Variants in TRAK1 observed in about 807,000 individuals in gnomAD.
TRAK1 encodes trafficking kinesin-binding protein 1.
Under a neutral mutation model 92.1 loss-of-function variants are expected in TRAK1, and 33 were observed. The ratio of observed to expected loss-of-function variants is 0.36; its 90% CI spans 0.27 to 0.48. TRAK1 has a LOEUF of 0.48. Ranked by LOEUF, TRAK1 falls within the 20% of genes least tolerant of loss-of-function variation. The probability of loss-of-function intolerance (pLI) is 0.99; values close to 1 mark genes in which losing one functional copy is unlikely to be tolerated. For synonymous variants in TRAK1, 521 were observed against 517.3 expected, an observed-to-expected ratio of 1.01 and a Z score of -0.10; for missense variants, 1,123 against 1,257.9, an observed-to-expected ratio of 0.89 and a Z score of 1.62.
chr3:42,111,273 A>G (rs1708357144), intron 1 of TRAK1, among the ~76,000 whole-genome samples: 1 of 152,204 alleles, frequency 6.6e-6, no homozygotes, highest in Non-Finnish European at 1.5e-5. Flanking sequence ...GGTAGAACCA[A>G]CTTTGGGAGG....
At chr3:42,200,403 A>G (rs561580473) in intron 11 of TRAK1, among the ~76,000 whole-genome samples, 1 of 152,344 alleles carries the variant, frequency 6.6e-6, no homozygotes, top group Admixed American at 6.5e-5. Context: ...TCCATTCTAC[A>G]AGTATTGATT....
At chr3:42,140,156 T>G (rs1042039302) in intron 2 of TRAK1, among the ~76,000 whole-genome samples, 1 of 152,090 alleles carries the variant, frequency 6.6e-6, no homozygotes, top group East Asian at 1.9e-4. Flanking sequence ...TCTCCCTGCT[T>G]TTGGATATGT....
At chr3:42,171,093 G>A (rs1328965519) in intron 2 of TRAK1, among the ~76,000 whole-genome samples, 3 of 152,062 alleles carry the variant, frequency 2.0e-5, no homozygotes, top group African/African-American at 7.2e-5. Flanking sequence ...GGGATTACAG[G>A]CGTGAGCCAC....
At chr3:42,039,432 C>T (rs1261208926) in intron 1 of TRAK1, among the ~76,000 whole-genome samples, 3 of 152,164 alleles carry the variant, frequency 2.0e-5, no homozygotes, top group African/African-American at 7.2e-5. Flanking sequence ...GGCGTGATCT[C>T]AGCTTACTGC....
rs143591096 is a variant in TRAK1 at position 42,223,223 on chromosome 3, C to G, written c.2348C>G (p.Pro783Arg). 7,291 of 1,614,198 alleles carry G rather than the reference C, an allele frequency of 4.5e-3. 19 individuals carry two copies. The highest frequency in any genetic ancestry group is 9.9e-3 in the Middle Eastern group (60 of 6,062). ...PKMAVIPSTPPNSPMQTPTSS... is the reference protein window; with the variant it reads ...PKMAVIPSTPRNSPMQTPTSS... The stretch of plus-strand genomic sequence containing the variant: ...ATGGCTGTGATCCCCTCTACTCCGC[C>G]GAACTCGCCTATGCAGACACCCACA... Residue 783 changes from proline (P) to arginine (R), a missense_variant, in exon 16 of 16, where the codon CCG becomes CGG. Transcript: ENST00000327628. The surrounding 1 kb of genome is among the most constrained non-coding windows in gnomAD (Gnocchi z 6.1).
At chr3:42,184,090 T>C (rs1704441456) in intron 3 of TRAK1, among the ~76,000 whole-genome samples, 1 of 150,262 alleles carries the variant, frequency 6.7e-6, no homozygotes, top group Non-Finnish European at 1.5e-5. Context: ...AAGTAGCCTT[T>C]TCTAAGTAAA....
upstream of TRAK1, among the ~76,000 whole-genome samples, chr3:42,083,798 A>G (rs986990018): frequency 1.3e-5 from 2 of 152,102 alleles, no homozygotes; most frequent in Non-Finnish European, 2.9e-5. Context: ...TGAGCCCGGG[A>G]GGTCAAGGCT....
intron 1 of TRAK1, among the ~76,000 whole-genome samples, chr3:42,042,793 A>G (rs1216663719): frequency 1.3e-5 from 2 of 152,132 alleles, no homozygotes; most frequent in African/African-American, 2.4e-5. Flanking sequence ...AGGATGGAAT[A>G]CAGTTCTTAA....
chr3:42,070,302 ATAAT>A (rs1010245251), intron 1 of TRAK1, among the ~76,000 whole-genome samples: 17 of 148,440 alleles, frequency 1.1e-4, no homozygotes, highest in South Asian at 2.1e-4. Context: ...TTAATTATAA[ATAAT>A]TAATATAATT....
upstream of TRAK1, among the ~76,000 whole-genome samples, chr3:42,084,165 C>T (rs1313905225): frequency 2.0e-5 from 3 of 151,890 alleles, no homozygotes; most frequent in Non-Finnish European, 4.4e-5. Context: ...TTGTCTTAAG[C>T]TTTTTTTGTT....
At chr3:42,069,912 C>T (rs920204171) in intron 1 of TRAK1, among the ~76,000 whole-genome samples, 11 of 151,930 alleles carry the variant, frequency 7.2e-5, no homozygotes, top group African/African-American at 1.7e-4. Context: ...AGTGCAGTGG[C>T]GCAGTCTCCC....
In TRAK1 at chr3:42,191,650, C is replaced by T; in HGVS notation, c.769+14C>T. 1 of 1,586,432 alleles carries T rather than the reference C, an allele frequency of 6.3e-7. No individual in the cohort carries two copies. The highest frequency in any genetic ancestry group is 8.6e-7 in the Non-Finnish European group (1 of 1,165,488). On this transcript the variant is annotated intron_variant, in intron 7 of 15. Coordinates refer to ENST00000327628, the MANE Select transcript of TRAK1 (RefSeq NM_001042646.3). ...TGAAGGAGCTGAGTATGTCCCCGCA[C>T]TGCTGTCTTCTTACTTCCTTGCATC...
At chr3:42,072,898 C>T (rs182853756) in intron 1 of TRAK1, among the ~76,000 whole-genome samples, 2 of 152,128 alleles carry the variant, frequency 1.3e-5, no homozygotes, top group East Asian at 1.9e-4. Flanking sequence ...TTTGAGTGAC[C>T]GTTGATTTAT....
At chr3:42,074,077 G>C (rs1201226904) in intron 1 of TRAK1, among the ~76,000 whole-genome samples, 1 of 152,170 alleles carries the variant, frequency 6.6e-6, no homozygotes, top group Non-Finnish European at 1.5e-5. Context: ...TGGAATGTCC[G>C]ATTCTCCACT....
intron 2 of TRAK1, chr3:42,149,555 C>G (rs1018509561): frequency 3.3e-6 from 5 of 1,535,912 alleles, no homozygotes; most frequent in Non-Finnish European, 3.5e-6. Context: ...TTTATCGAAG[C>G]GGATTATTAT....
intron 1 of TRAK1, chr3:42,051,420 A>G (rs1374499630): frequency 6.6e-6 from 1 of 152,252 alleles, no homozygotes; most frequent in Non-Finnish European, 1.5e-5. Flanking sequence ...TCCTTTGATA[A>G]TTCAGTAGGG....
intron 14 of TRAK1, chr3:42,211,139 C>G (rs1708982701): frequency 4.1e-6 from 4 of 985,262 alleles, no homozygotes; most frequent in Non-Finnish European, 4.8e-6. Flanking sequence ...GGACGTTTAT[C>G]TTTGTGATTC....
At chr3:42,136,529 TG>T (rs1697971494) in intron 2 of TRAK1, among the ~76,000 whole-genome samples, 1 of 151,784 alleles carries the variant, frequency 6.6e-6, no homozygotes, top group African/African-American at 2.4e-5. Flanking sequence ...GAGGCTAAGG[TG>T]GGCGGGTCAC....
intron 4 of TRAK1, among the ~76,000 whole-genome samples, chr3:42,185,762 C>A (rs1161669865): frequency 1.3e-5 from 2 of 151,604 alleles, no homozygotes; most frequent in Admixed American, 6.6e-5. Context: ...ACTTCCACCC[C>A]CCGAGTTCAA....
Sources: allele counts gnomAD v4.1 joint callset (sites outside exome capture counted in the v4.1 genomes callset), GRCh38; gene constraint gnomAD v4.1.1; non-coding constraint Gnocchi (gnomAD v3.1); transcripts MANE v1.5; gene names NCBI Gene and HGNC (gene_info 2026-07-23, HGNC 2026-07-21).